TLE1: variants seen among roughly 807,000 people sequenced by gnomAD.
The protein encoded by TLE1 is transducin-like enhancer protein 1.
Under a neutral mutation model 89.8 loss-of-function variants are expected in TLE1, and 21 were observed. That is an observed-to-expected ratio of 0.23 (90% confidence interval 0.17 to 0.34). The LOEUF (loss-of-function observed/expected upper bound fraction) is 0.34. Ranked by LOEUF, TLE1 falls within the 10% of genes least tolerant of loss-of-function variation. The pLI, the probability that TLE1 is intolerant of heterozygous loss-of-function variation, is 1.00. For synonymous variants in TLE1, 447 were observed against 407.6 expected (o/e 1.10, Z -1.16); for missense variants, 795 against 1,031.2 (o/e 0.77, Z 3.14).
intron 14 of TLE1, among the ~76,000 whole-genome samples, chr9:81,594,538 C>T (rs574024472): frequency 2.8e-5 from 4 of 145,156 alleles, no homozygotes; most frequent in South Asian, 4.3e-4. Context: ...AGCAAGACTA[C>T]GTCTTAAAAA....
intron 14 of TLE1, 30 bp from the exon 15 acceptor site, chr9:81,593,304 G>C: frequency 6.3e-7 from 1 of 1,585,670 alleles, no homozygotes. Context: ...AGAGAAGACA[G>C]AAAACACATT....
intron 4 of TLE1, among the ~76,000 whole-genome samples, chr9:81,654,683 T>C (rs1829953358): frequency 6.6e-6 from 1 of 152,136 alleles, no homozygotes; most frequent in Non-Finnish European, 1.5e-5. Flanking sequence ...CACATTTATG[T>C]CATTATTGCA....
intron 4 of TLE1, among the ~76,000 whole-genome samples, chr9:81,682,074 T>C (rs1305607670): frequency 6.6e-6 from 1 of 151,238 alleles, no homozygotes; most frequent in Non-Finnish European, 1.5e-5. Flanking sequence ...GGTGAAACCC[T>C]CTCTCTACTA....
chr9:81,666,182 T>G (rs1283685391), intron 4 of TLE1, among the ~76,000 whole-genome samples: 1 of 152,148 alleles, frequency 6.6e-6, no homozygotes, highest in African/African-American at 2.4e-5. Context: ...CAGCTTTTGG[T>G]GGGCTTAAAG....
chr9:81,665,694 T>C (rs1476256632), intron 4 of TLE1, among the ~76,000 whole-genome samples: 1 of 152,182 alleles, frequency 6.6e-6, no homozygotes, highest in East Asian at 1.9e-4. Flanking sequence ...TTTATGTTCT[T>C]AATGCAGAGG....
At position 81,654,018 on chromosome 9, in the gene TLE1, A is replaced by G. The variant is rs754686474; in HGVS notation, c.253T>C (p.Leu85=). The part of the protein sequence containing the change: ...MHKQTEIAKR[L]NTICAQVIPF... ...ATGACTTGTGCACAAATCGTATTCA[A>G]TCTCTTGGCGATTTCAGTCTATAAA... is the stretch of plus-strand genomic sequence containing the variant. The change falls in exon 5 of 20, where the codon TTG becomes CTG. Residue 85 remains leucine, a synonymous_variant. Coordinates refer to ENST00000376499, the MANE Select transcript of TLE1 (RefSeq NM_005077.5). 6.2e-7 allele frequency: 1 copy of G among 1,613,902 alleles called. No homozygotes were observed. The highest frequency in any genetic ancestry group is 1.3e-5 in the African/African-American group (1 of 74,922).
intron 6 of TLE1, among the ~76,000 whole-genome samples, chr9:81,636,960 G>A (rs998163857): frequency 1.6e-4 from 24 of 147,970 alleles, no homozygotes; most frequent in African/African-American, 5.5e-4. Flanking sequence ...CTGAGATCAC[G>A]CCACTGTACT....
At chr9:81,664,030 A>G (rs1287781327) in intron 4 of TLE1, among the ~76,000 whole-genome samples, 1 of 152,180 alleles carries the variant, frequency 6.6e-6, no homozygotes, top group African/African-American at 2.4e-5. Flanking sequence ...AGAAAGAATG[A>G]TGCATCAACC....
intron 6 of TLE1, among the ~76,000 whole-genome samples, chr9:81,643,552 T>G (rs1183333475): frequency 1.3e-5 from 2 of 151,958 alleles, no homozygotes; most frequent in Admixed American, 1.3e-4. Context: ...TTTGTTTTCT[T>G]AGAGACAGGG....
At chr9:81,687,894 G>A (rs747705120) in intron 1 of TLE1, among the ~76,000 whole-genome samples, 23 of 152,136 alleles carry the variant, frequency 1.5e-4, no homozygotes, top group Non-Finnish European at 2.4e-4. Context: ...ATAGGCGAGA[G>A]GAGAAACAAA....
At position 81,688,156 on chromosome 9, in the gene TLE1, G is replaced by A. The variant is rs963263389; in HGVS notation, c.24+61C>T. On this transcript the variant is annotated intron_variant, in intron 1 of 19. Coordinates refer to ENST00000376499, the MANE Select transcript of TLE1 (RefSeq NM_005077.5). ...CTCAGAAGCCACCAGTCTCCCTACC[G>A]CCCGGGAGAAGCGCCTCCCCAACGA... The A allele has an allele frequency of 1.6e-5, 26 of 1,592,214 alleles. No individual in the cohort carries two copies. In the African/African-American group the frequency reaches 2.7e-4, roughly 17 times the overall value.
intron 4 of TLE1, among the ~76,000 whole-genome samples, chr9:81,668,651 A>T (rs946109127): frequency 7.2e-5 from 11 of 152,152 alleles, no homozygotes; most frequent in Non-Finnish European, 1.5e-4. Flanking sequence ...TATGGGACAG[A>T]ATCTATTCAG....
At chr9:81,686,424 CT>C (rs1834286736) in intron 2 of TLE1, among the ~76,000 whole-genome samples, 1 of 152,188 alleles carries the variant, frequency 6.6e-6, no homozygotes, top group African/African-American at 2.4e-5. Context: ...GAAGTTCTCC[CT>C]GCTGGGTAAA....
intron 4 of TLE1, among the ~76,000 whole-genome samples, chr9:81,673,430 A>C (rs1832498397): frequency 6.6e-6 from 1 of 152,062 alleles, no homozygotes; most frequent in Non-Finnish European, 1.5e-5. Flanking sequence ...GGGTTTGCAA[A>C]AACAAAACGG....
chr9:81,668,354 C>G (rs1311166835), intron 4 of TLE1, among the ~76,000 whole-genome samples: 2 of 152,004 alleles, frequency 1.3e-5, no homozygotes, highest in East Asian at 3.9e-4. Flanking sequence ...CTAAATTTTT[C>G]AAAGCATAAC....
At chr9:81,648,881 G>GT (rs1829199343) in intron 6 of TLE1, among the ~76,000 whole-genome samples, 1 of 152,180 alleles carries the variant, frequency 6.6e-6, no homozygotes. Flanking sequence ...TCTCAAATGA[G>GT]TAAGTTCCCC....
At position 81,642,306 on chromosome 9, in the gene TLE1, T is replaced by C. The variant is rs981679691; in HGVS notation, c.373-8005A>G. On this transcript the variant is annotated intron_variant, in intron 6 of 19. Coordinates refer to ENST00000376499, the MANE Select transcript of TLE1 (RefSeq NM_005077.5). Reference sequence around the variant, plus strand: ...GGATTTTTTTCAGATTTTTAAATATTTGCAATATTCTTACTGGCTGAGAAT... The same window carrying C: ...GGATTTTTTTCAGATTTTTAAATATCTGCAATATTCTTACTGGCTGAGAAT... Among the ~76,000 whole-genome samples, 2 of 152,168 alleles carry C rather than the reference T, an allele frequency of 1.3e-5. 1 individual carries two copies. Among genetic ancestry groups the C allele is most frequent in the Non-Finnish European group, 2.9e-5 (2 of 68,032 alleles).
chr9:81,639,596 T>G (rs1047760038), intron 6 of TLE1, among the ~76,000 whole-genome samples: 2 of 148,862 alleles, frequency 1.3e-5, no homozygotes, highest in Non-Finnish European at 3.0e-5. Flanking sequence ...TTGTTTTTTT[T>G]TTTTTTGAGA....
chr9:81,634,462 G>A (rs1827119065), intron 6 of TLE1, among the ~76,000 whole-genome samples, 161 bp from the exon 7 acceptor site: 1 of 146,904 alleles, frequency 6.8e-6, no homozygotes, highest in African/African-American at 2.6e-5. Context: ...AGCCAAGAAA[G>A]AGAGGGAGGA....
Sources: gnomAD v4.1 joint callset for allele counts (sites outside exome capture counted in the v4.1 genomes callset) on GRCh38, gnomAD v4.1.1 for gene constraint, MANE v1.5 for transcripts, NCBI Gene and HGNC (gene_info 2026-07-23, HGNC 2026-07-21) for gene names.